Variants in ADAMTS18 observed in about 807,000 individuals in gnomAD.
ADAMTS18 encodes the protein ADAM metallopeptidase with thrombospondin type 1 motif 18.
Under a neutral mutation model 165.9 loss-of-function variants are expected in ADAMTS18, and 157 were observed. That is an observed-to-expected ratio of 0.95 (90% CI 0.83 to 1.08). The LOEUF (loss-of-function observed/expected upper bound fraction) is 1.08, where lower values mean the gene tolerates loss of function less well. ADAMTS18 is among the 50% of genes least tolerant of loss of function. ADAMTS18 has a pLI of 0.00. For synonymous variants in ADAMTS18, 782 were observed against 578.2 expected, an observed-to-expected ratio of 1.35 and a Z score of -5.06; for missense variants, 2,040 against 1,534.0, an observed-to-expected ratio of 1.33 and a Z score of -5.51.
At chr16:77,325,779 T>C (rs2056083700) in intron 13 of ADAMTS18, 87 bp downstream of exon 13, 1 of 1,375,176 alleles carries the variant, frequency 7.3e-7, no homozygotes, top group Non-Finnish European at 1.0e-6. Context: ...TCAAACTCTT[T>C]GATACAAGCA....
intron 3 of ADAMTS18, among the ~76,000 whole-genome samples, chr16:77,375,743 G>C (rs966698891): frequency 6.6e-6 from 1 of 152,202 alleles, no homozygotes; most frequent in African/African-American, 2.4e-5. Flanking sequence ...AACTACCTGA[G>C]AATTGGGTAT....
chr16:77,332,419 C>T (rs2056204206), intron 12 of ADAMTS18, among the ~76,000 whole-genome samples: 1 of 152,126 alleles, frequency 6.6e-6, no homozygotes, highest in Non-Finnish European at 1.5e-5. Flanking sequence ...ATCCCAGAAC[C>T]TTTTGGTGAA....
chr16:77,397,921 A>T (rs2057279357), intron 3 of ADAMTS18, among the ~76,000 whole-genome samples: 3 of 152,156 alleles, frequency 2.0e-5, no homozygotes, highest in African/African-American at 7.2e-5. Flanking sequence ...GTACAGCAAA[A>T]TTGCTTTACC....
At chr16:77,385,397 C>A (rs1157668166) in intron 3 of ADAMTS18, among the ~76,000 whole-genome samples, 4 of 152,164 alleles carry the variant, frequency 2.6e-5, no homozygotes. Flanking sequence ...GACTTGTATT[C>A]TGTAACTAAG....
chr16:77,333,463 A>G (rs2056223643), intron 12 of ADAMTS18, among the ~76,000 whole-genome samples: 1 of 150,046 alleles, frequency 6.7e-6, no homozygotes, highest in African/African-American at 2.5e-5. Flanking sequence ...TTGGAACTTA[A>G]AGTAAAATAA....
chr16:77,314,753 C>CTTTATATATATATATAT (rs1555511655), intron 16 of ADAMTS18, among the ~76,000 whole-genome samples: 1 of 36,902 alleles, frequency 2.7e-5, no homozygotes, highest in Non-Finnish European at 5.4e-5. Flanking sequence ...TCTCAGGTTT[C>CTTTATATATATATATAT]ATATATATAT....
intron 12 of ADAMTS18, among the ~76,000 whole-genome samples, chr16:77,327,582 T>C (rs1317386451): frequency 2.0e-5 from 3 of 152,190 alleles, no homozygotes; most frequent in Non-Finnish European, 2.9e-5. Flanking sequence ...AATGAAATAA[T>C]GGCATTCACA....
intron 12 of ADAMTS18, among the ~76,000 whole-genome samples, chr16:77,334,053 C>T (rs1397362417): frequency 2.7e-4 from 36 of 131,594 alleles, no homozygotes; most frequent in African/African-American, 9.8e-4. Context: ...ATATAATATA[C>T]AGTGCTATAT....
rs531196517 is a variant in ADAMTS18 at position 77,320,070 on chromosome 16, G to C, written c.2311C>G (p.Pro771Ala). ...ATTTCGATGCTTCGGGCGCCAGCTG[G>C]AATGAGGACCACCGGATAATATTCT... The part of the protein sequence containing the change: ...ANEYYPVVLI[P>A]AGARSIEIQE... Residue 771 changes from proline (P) to alanine (A), a missense_variant, in exon 16 of 23, where the codon CCA becomes GCA. Physicochemically the swap from Pro to Ala is conservative, Grantham distance 27. Transcript: ENST00000282849. 2 of 1,613,960 alleles carry C rather than the reference G, an allele frequency of 1.2e-6. No individual in the cohort carries two copies. The highest frequency in any genetic ancestry group is 2.2e-5 in the South Asian group (2 of 91,056).
At chr16:77,380,587 G>A (rs1359305206) in intron 3 of ADAMTS18, among the ~76,000 whole-genome samples, 1 of 152,108 alleles carries the variant, frequency 6.6e-6, no homozygotes, top group Non-Finnish European at 1.5e-5. Flanking sequence ...AACATCTACT[G>A]CATACATTTT....
intron 3 of ADAMTS18, among the ~76,000 whole-genome samples, chr16:77,427,433 T>G (rs1349072372): frequency 6.6e-6 from 1 of 152,226 alleles, no homozygotes; most frequent in Non-Finnish European, 1.5e-5. Context: ...CATGGCTTGC[T>G]GGATGTAATG....
chr16:77,284,986 T>C (rs1260805465), intron 22 of ADAMTS18, among the ~76,000 whole-genome samples: 1 of 151,074 alleles, frequency 6.6e-6, no homozygotes, highest in Non-Finnish European at 1.5e-5. Context: ...CTCAACCAGT[T>C]TGCAAGTAAA....
intron 20 of ADAMTS18, among the ~76,000 whole-genome samples, chr16:77,291,690 A>C (rs1158175594): frequency 6.6e-6 from 1 of 152,236 alleles, no homozygotes; most frequent in Non-Finnish European, 1.5e-5. Flanking sequence ...AACGGAACTG[A>C]CTTTCCCAAA....
chr16:77,355,420 A>G (rs1416101162), intron 9 of ADAMTS18, among the ~76,000 whole-genome samples: 1 of 152,216 alleles, frequency 6.6e-6, no homozygotes, highest in Non-Finnish European at 1.5e-5. Flanking sequence ...TCAAAGAAGA[A>G]AATGCTCTAT....
chr16:77,397,719 A>C (rs1252201832), intron 3 of ADAMTS18, among the ~76,000 whole-genome samples: 1 of 152,268 alleles, frequency 6.6e-6, no homozygotes, highest in Non-Finnish European at 1.5e-5. Flanking sequence ...AGCTTACAAA[A>C]AATGTTGAGT....
At chr16:77,388,458 A>T (rs2057140105) in intron 3 of ADAMTS18, among the ~76,000 whole-genome samples, 1 of 152,180 alleles carries the variant, frequency 6.6e-6, no homozygotes, top group South Asian at 2.1e-4. Context: ...ATAATATCAG[A>T]AAACATCGTG....
At position 77,284,533 on chromosome 16, in the gene ADAMTS18, A is replaced by G. The variant is rs552657941; in HGVS notation, c.3551-462T>C. On this transcript the variant is annotated intron_variant, in intron 22 of 22. Coordinates refer to ENST00000282849, the MANE Select transcript of ADAMTS18 (RefSeq NM_199355.4). ...TTGGGCCCACCTCCCTTGTGCCTCT[A>G]TGTGGTTTTTCCCATTAAACATTGG... 2.6e-5 allele frequency among the ~76,000 whole-genome samples: 4 copies of G among 152,184 alleles called. No homozygotes were observed. The South Asian group carries it at 6.2e-4, about 24-fold the overall frequency.
chr16:77,335,211 T>C (rs2056288769), intron 12 of ADAMTS18, among the ~76,000 whole-genome samples: 1 of 150,562 alleles, frequency 6.6e-6, no homozygotes, highest in African/African-American at 2.4e-5. Flanking sequence ...GGACATCATA[T>C]TAAGTGAAAT....
At chr16:77,392,604 T>C (rs1221169538) in intron 3 of ADAMTS18, among the ~76,000 whole-genome samples, 1 of 152,154 alleles carries the variant, frequency 6.6e-6, no homozygotes, top group Non-Finnish European at 1.5e-5. Context: ...TCTAAATGCC[T>C]TTGCCTATGG....
Sources: allele counts gnomAD v4.1 joint callset (sites outside exome capture counted in the v4.1 genomes callset), GRCh38; gene constraint gnomAD v4.1.1; transcripts MANE v1.5; gene names NCBI Gene and HGNC (gene_info 2026-07-23, HGNC 2026-07-21).